DPH1: variants seen among roughly 807,000 people sequenced by gnomAD.
DPH1 encodes 2-(3-amino-3-carboxypropyl)histidine synthase subunit 1.
DPH1 carries 59 observed loss-of-function variants against 55.3 expected under a neutral mutation model. That is an observed-to-expected ratio of 1.07 (90% CI 0.87 to 1.33). The LOEUF is 1.33. DPH1 is among the 40% of genes most tolerant of loss of function. The pLI is 0.00. For synonymous variants in DPH1, 238 were observed against 235.5 expected (o/e 1.01, Z -0.10); for missense variants, 628 against 584.8 (o/e 1.07, Z -0.76).
At chr17:2,041,457 T>TTGTC (rs772074764) in intron 10 of DPH1, 24 bp from the exon 11 acceptor site, 11 of 1,585,420 alleles carry the variant, frequency 6.9e-6, no homozygotes, top group Non-Finnish European at 9.4e-6. Context: ...GCAGATGTTA[T>TTGTC]TGTCCCTCCC....
intron 1 of DPH1, among the ~76,000 whole-genome samples, chr17:2,032,943 A>G (rs1354603350): frequency 1.3e-5 from 2 of 152,114 alleles, no homozygotes; most frequent in East Asian, 3.9e-4. Context: ...CGTGTTAGCC[A>G]GGATGGTCTC....
In DPH1 at chr17:2,042,632, G is replaced by C; in HGVS notation, c.*46G>C. ...TCCTGCCCTCCGGAGGAGCAGCCTC[G>C]AGGCTGGTGGTTTTCAGAGCAGGAG... On this transcript the variant is annotated 3_prime_UTR_variant, in exon 13 of 13. Coordinates refer to ENST00000263083, the MANE Select transcript of DPH1 (RefSeq NM_001383.6). The C allele has an allele frequency of 6.6e-7, 1 of 1,519,216 alleles. No homozygotes were observed. Among genetic ancestry groups the C allele is most frequent in the Non-Finnish European group, 8.8e-7 (1 of 1,136,382 alleles). 94.1% of individuals were successfully genotyped at this position (1,519,216 alleles called of 1,614,324 possible).
rs961002841 is a variant in DPH1, at chr17:2,036,698, G to A, written c.558+12G>A. On this transcript the variant is annotated intron_variant, in intron 5 of 12. Transcript: ENST00000263083. This position sits in a 1 kb window ranked among gnomAD's most constrained non-coding sequence, Gnocchi z 4.8. ...TGTCGACCTTGCAGGTGGGTGGAAC[G>A]AGGATCCTCGGCCTCCTGCAGGGTG... 4 of 1,613,694 alleles carry A rather than the reference G, an allele frequency of 2.5e-6. No homozygotes were observed. Among genetic ancestry groups the A allele is most frequent in the East Asian group, 2.2e-5 (1 of 44,892 alleles).
At position 2,041,781 on chromosome 17, in the gene DPH1, C is replaced by A; in HGVS notation, c.1241C>A (p.Ser414Tyr). The change falls in exon 12 of 13, where the codon TCC becomes TAC. Residue 414 changes from serine to tyrosine, a missense_variant. Coordinates refer to ENST00000263083, the MANE Select transcript of DPH1 (RefSeq NM_001383.6). ...RPARGKVQEGSARPPSAVACE... is the reference protein window; with the variant it reads ...RPARGKVQEGYARPPSAVACE... ...CTGCGACCTCAGGTGCAGGAGGGGT[C>A]CGCGCGTCCCCCTTCGGCCGTGGCT... is the stretch of plus-strand genomic sequence containing the variant. The A allele has an allele frequency of 1.2e-6, 2 of 1,605,694 alleles. No individual in the cohort carries two copies. Among genetic ancestry groups the A allele is most frequent in the African/African-American group, 1.3e-5 (1 of 74,822 alleles).
chr17:2,034,145 C>T (rs1380202989), intron 3 of DPH1, among the ~76,000 whole-genome samples: 1 of 151,988 alleles, frequency 6.6e-6, no homozygotes, highest in Non-Finnish European at 1.5e-5. Flanking sequence ...GGGGAGGACC[C>T]TAAGAATTCT....
At chr17:2,042,177 G>T in intron 12 of DPH1, 1 of 1,456,108 alleles carries the variant, frequency 6.9e-7, no homozygotes. Flanking sequence ...GTGCCTCAGC[G>T]GCCCGCACCC....
intron 9 of DPH1, 93 bp downstream of exon 9, chr17:2,040,698 T>G (rs763815263): frequency 1.4e-6 from 2 of 1,410,908 alleles, no homozygotes; most frequent in Non-Finnish European, 2.0e-6. Flanking sequence ...AGGAATTGCT[T>G]CCATGGTCAT....
intron 12 of DPH1, 149 bp from the exon 13 acceptor site, chr17:2,042,456 A>C: frequency 6.4e-6 from 8 of 1,253,010 alleles, no homozygotes; most frequent in Non-Finnish European, 7.4e-6. Flanking sequence ...AGGCCAATCC[A>C]CTCATTTCCC....
rs1384524489 is a variant in DPH1 at position 2,041,185 on chromosome 17, A to C, written c.1086+4A>C. The C allele has an allele frequency of 1.2e-6, 2 of 1,602,208 alleles. No individual in the cohort carries two copies. Among genetic ancestry groups the C allele is most frequent in the East Asian group, 4.5e-5 (2 of 44,688 alleles). ...GCCGCTGCTGACACCCTATGAGGTA[A>C]CACCAAGCTCTGGGAGAGAGTGGGC... is the stretch of plus-strand genomic sequence containing the variant. On this transcript the variant is annotated splice_donor_region_variant and intron_variant, in intron 10 of 12. Coordinates refer to ENST00000263083, the MANE Select transcript of DPH1 (RefSeq NM_001383.6).
chr17:2,038,927 T>G (rs2067467137), intron 6 of DPH1: 1 of 152,126 alleles, frequency 6.6e-6, no homozygotes, highest in Non-Finnish European at 1.5e-5. Flanking sequence ...ATTATGTAAA[T>G]AGAGGGACCG....
rs764928760 is a variant in DPH1 at position 2,039,873 on chromosome 17, C to T, written c.749+50C>T. ...GACCAGCTGGTGAGGGGTGAGATTCCCTGCCACTGAGGTCCTCAATTGGTT... is the reference window on the plus strand; with the variant it reads ...GACCAGCTGGTGAGGGGTGAGATTCTCTGCCACTGAGGTCCTCAATTGGTT... On this transcript the variant is annotated intron_variant, in intron 7 of 12. Coordinates refer to ENST00000263083, the MANE Select transcript of DPH1 (RefSeq NM_001383.6). 1.9e-6 allele frequency: 3 copies of T among 1,612,028 alleles called. No homozygotes were observed. In the African/African-American group the frequency reaches 4.0e-5, roughly 22 times the overall value.
chr17:2,030,267 T>G (rs1378698361), intron 1 of DPH1, 37 bp downstream of exon 1: 1 of 1,542,170 alleles, frequency 6.5e-7, no homozygotes, highest in Non-Finnish European at 8.8e-7. Flanking sequence ...AGACCTCGCA[T>G]CTCGGGGCGG....
In DPH1 at chr17:2,036,167, C is replaced by A; in HGVS notation, c.400+76C>A. ...GGCTGCACATTCATCTTCCCCATGG[C>A]AGTGCCTTCTTGTCCTGCTTGGAGA... On this transcript the variant is annotated intron_variant, in intron 4 of 12. Coordinates refer to ENST00000263083, the MANE Select transcript of DPH1 (RefSeq NM_001383.6). This position sits in a 1 kb window ranked among gnomAD's most constrained non-coding sequence, Gnocchi z 4.8. The A allele has an allele frequency of 6.3e-7, 1 of 1,578,442 alleles. No individual in the cohort carries two copies. The highest frequency in any genetic ancestry group is 8.6e-7 in the Non-Finnish European group (1 of 1,161,838).
Position 2,036,499 on chromosome 17 carries a change from A to C in DPH1, c.401-30A>C. 1 of 1,610,608 alleles carries C rather than the reference A, an allele frequency of 6.2e-7. No homozygotes were observed. The highest frequency in any genetic ancestry group is 8.5e-7 in the Non-Finnish European group (1 of 1,177,686). ...GGCCCTCTGCTGCTCCTGCCTTCCCAAACAGCCCCTGAACTCCTCCCTCCC... is the reference window on the plus strand; with the variant it reads ...GGCCCTCTGCTGCTCCTGCCTTCCCCAACAGCCCCTGAACTCCTCCCTCCC... On this transcript the variant is annotated intron_variant, in intron 4 of 12. Transcript: ENST00000263083. The surrounding 1 kb of genome is among the most constrained non-coding windows in gnomAD (Gnocchi z 4.8).
intron 3 of DPH1, 101 bp downstream of exon 3, chr17:2,033,943 T>C: frequency 7.3e-7 from 1 of 1,365,442 alleles, no homozygotes; most frequent in East Asian, 2.3e-5. Context: ...CATTTTTTCC[T>C]TCTGAACCTC....
rs536673602 is a variant in DPH1, at chr17:2,041,892, T to G, written c.*18+17T>G. The G allele has an allele frequency of 7.7e-6, 12 of 1,556,618 alleles. No homozygotes were observed. The African/African-American group carries it at 1.6e-4, about 21-fold the overall frequency. ...GGGCCTCAGGTATCAGCCCCCGCTC[T>G]GGGTGCGCCCCGCCTTTTGCCGTTG... On this transcript the variant is annotated intron_variant, in intron 12 of 12. Coordinates refer to ENST00000263083, the MANE Select transcript of DPH1 (RefSeq NM_001383.6).
intron 7 of DPH1, 88 bp downstream of exon 7, chr17:2,039,911 C>T: frequency 6.3e-7 from 1 of 1,577,026 alleles, no homozygotes; most frequent in Non-Finnish European, 8.7e-7. Context: ...ATCCCCATTT[C>T]CTGGCCACTA....
At chr17:2,030,502 G>T (rs2067316391) in intron 1 of DPH1, among the ~76,000 whole-genome samples, 1 of 152,184 alleles carries the variant, frequency 6.6e-6, no homozygotes, top group Middle Eastern at 3.2e-3. Context: ...CGGATAAAAT[G>T]GACTCGACGG....
Position 2,041,245 on chromosome 17 carries a change from G to A in DPH1, c.1086+64G>A. On this transcript the variant is annotated intron_variant, in intron 10 of 12. Coordinates refer to ENST00000263083, the MANE Select transcript of DPH1 (RefSeq NM_001383.6). The stretch of plus-strand genomic sequence containing the variant: ...GGTTCTCAAAGGTGAGGTCTGGAGT[G>A]GAGTGGGGTGGGTGGGCAGCACTTC... The A allele has an allele frequency of 2.6e-6, 4 of 1,547,684 alleles. No homozygotes were observed. In the South Asian group the frequency reaches 4.7e-5, roughly 18 times the overall value.
Sources: allele counts gnomAD v4.1 joint callset (sites outside exome capture counted in the v4.1 genomes callset), GRCh38; gene constraint gnomAD v4.1.1; non-coding constraint Gnocchi (gnomAD v3.1); transcripts MANE v1.5; gene names NCBI Gene and HGNC (gene_info 2026-07-23, HGNC 2026-07-21).